KCNH7: variants seen among roughly 807,000 people sequenced by gnomAD.
The protein encoded by KCNH7 is potassium voltage-gated channel subfamily H member 7, also known as voltage-gated inwardly rectifying potassium channel KCNH7.
A neutral mutation model predicts 120.8 loss-of-function variants in KCNH7; 49 were observed. That is an observed-to-expected ratio of 0.41 (90% CI 0.32 to 0.51). The LOEUF (loss-of-function observed/expected upper bound fraction) is 0.51. Ranked by LOEUF, KCNH7 falls within the 20% of genes least tolerant of loss-of-function variation. The pLI, the probability that KCNH7 is intolerant of heterozygous loss-of-function variation, is 0.38. For missense variants in KCNH7, 1,097 were observed against 1,446.6 expected, an observed-to-expected ratio of 0.76 and a Z score of 3.92; for synonymous variants, 547 against 516.1, an observed-to-expected ratio of 1.06 and a Z score of -0.81.
intron 12 of KCNH7, among the ~76,000 whole-genome samples, chr2:162,392,246 G>A (rs1442884855): frequency 6.6e-6 from 1 of 151,736 alleles, no homozygotes; most frequent in African/African-American, 2.4e-5. Flanking sequence ...AGTAATTTTA[G>A]TGGATGAAAC....
chr2:162,520,000 C>A (rs963381280), intron 3 of KCNH7, among the ~76,000 whole-genome samples: 2 of 151,598 alleles, frequency 1.3e-5, no homozygotes, highest in Non-Finnish European at 3.0e-5. Context: ...GTCTTCACTC[C>A]AATGACTCCT....
At chr2:162,785,368 G>C (rs305664) in intron 2 of KCNH7, among the ~76,000 whole-genome samples, 147,774 of 152,314 alleles carry the variant, frequency 0.97, 71,846 homozygotes, top group Non-Finnish European at 1. Flanking sequence ...AAATATAACA[G>C]TTTAATAAAG....
At position 162,631,721 on chromosome 2, in the gene KCNH7, G is replaced by C. The variant is rs185039271; in HGVS notation, c.308-94641C>G. On this transcript the variant is annotated intron_variant, in intron 2 of 15. Transcript: ENST00000332142. ...GTAACTGTGAGAAACAACACCAGAT[G>C]ATAATGAATCACAGAAAGAAATTGA... is the stretch of plus-strand genomic sequence containing the variant. 3.1e-3 allele frequency among the ~76,000 whole-genome samples: 464 copies of C among 152,108 alleles called. 1 individual carries two copies. The highest frequency in any genetic ancestry group is 0.011 in the African/African-American group (442 of 41,520).
At chr2:162,756,041 T>A (rs16847236) in intron 2 of KCNH7, among the ~76,000 whole-genome samples, 1 of 152,176 alleles carries the variant, frequency 6.6e-6, no homozygotes, top group Admixed American at 6.5e-5. Flanking sequence ...AGGGTTCTAC[T>A]CTAATTATGT....
intron 6 of KCNH7, among the ~76,000 whole-genome samples, chr2:162,488,473 C>T (rs889256373): frequency 6.6e-6 from 1 of 152,114 alleles, no homozygotes; most frequent in Non-Finnish European, 1.5e-5. Context: ...ATCAATCAGG[C>T]CATCCAGAGG....
At chr2:162,491,652 G>T (rs974907930) in intron 6 of KCNH7, among the ~76,000 whole-genome samples, 1 of 152,184 alleles carries the variant, frequency 6.6e-6, no homozygotes, top group Admixed American at 6.5e-5. Flanking sequence ...GTGAAAAGTT[G>T]CATTGGCATT....
chr2:162,615,494 C>T (rs565235679), intron 2 of KCNH7, among the ~76,000 whole-genome samples: 2 of 152,248 alleles, frequency 1.3e-5, no homozygotes, highest in South Asian at 4.2e-4. Context: ...GTGGCTTGTG[C>T]ATTCTTTGTA....
At chr2:162,589,753 A>G (rs1389693858) in intron 2 of KCNH7, among the ~76,000 whole-genome samples, 2 of 152,268 alleles carry the variant, frequency 1.3e-5, no homozygotes, top group East Asian at 1.9e-4. Flanking sequence ...TGAATTTAAC[A>G]TAAGAAGACA....
intron 2 of KCNH7, among the ~76,000 whole-genome samples, chr2:162,824,791 A>T (rs964170404): frequency 6.6e-6 from 1 of 151,980 alleles, no homozygotes; most frequent in Admixed American, 6.6e-5. Flanking sequence ...TTGTTTATTT[A>T]TTATGACTTT....
chr2:162,818,719 T>G (rs1289467303), intron 2 of KCNH7, among the ~76,000 whole-genome samples: 2 of 152,210 alleles, frequency 1.3e-5, no homozygotes, highest in African/African-American at 4.8e-5. Flanking sequence ...CTCTTAGCCA[T>G]GTTTATGATT....
At chr2:162,546,403 T>C (rs1692478151) in intron 2 of KCNH7, among the ~76,000 whole-genome samples, 1 of 152,228 alleles carries the variant, frequency 6.6e-6, no homozygotes, top group African/African-American at 2.4e-5. Context: ...CAAATGTATT[T>C]ACAGCAGGCC....
intron 2 of KCNH7, among the ~76,000 whole-genome samples, chr2:162,707,793 T>C (rs1264724689): frequency 6.6e-6 from 1 of 152,090 alleles, no homozygotes; most frequent in African/African-American, 2.4e-5. Flanking sequence ...GTTTACCCCA[T>C]TTGATCAGTT....
chr2:162,702,468 A>T (rs1686545292), intron 2 of KCNH7, among the ~76,000 whole-genome samples: 1 of 152,160 alleles, frequency 6.6e-6, no homozygotes, highest in Non-Finnish European at 1.5e-5. Flanking sequence ...CAGTCAATGG[A>T]ATTACTGTGT....
Position 162,373,470 on chromosome 2 carries a change from T to G in KCNH7, c.3324A>C (p.Gln1108His). 6.6e-7 allele frequency: 1 copy of G among 1,520,408 alleles called. No homozygotes were observed. The highest frequency in any genetic ancestry group is 8.8e-7 in the Non-Finnish European group (1 of 1,130,920). 94.2% of individuals were successfully genotyped at this position (1,520,408 alleles called of 1,614,324 possible). A position where few individuals can be genotyped will look rare whatever the true frequency, so the allele number is the denominator to read the frequency against. The change falls in exon 15 of 16, where the codon CAA becomes CAC. Residue 1108 changes from glutamine to histidine, a missense_variant and splice_region_variant. Coordinates refer to ENST00000332142, the MANE Select transcript of KCNH7 (RefSeq NM_033272.4). Reference protein sequence around the residue: ...KTDRSFSPSSQCPEFLDLEKS... With the variant: ...KTDRSFSPSSHCPEFLDLEKS... The stretch of plus-strand genomic sequence containing the variant: ...TTGGTTGGATGGTATCCACACTTAC[T>G]TGTGAGGAAGGGCTGAAACTTCGGT...
chr2:162,688,010 C>A (rs1185139378), intron 2 of KCNH7, among the ~76,000 whole-genome samples: 1 of 151,846 alleles, frequency 6.6e-6, no homozygotes, highest in East Asian at 1.9e-4. Context: ...TATGTAGGAC[C>A]AATATTAAAG....
chr2:162,605,535 C>G (rs1441601219), intron 2 of KCNH7, among the ~76,000 whole-genome samples: 1 of 152,068 alleles, frequency 6.6e-6, no homozygotes, highest in East Asian at 1.9e-4. Context: ...AGAATCACAA[C>G]TAAAACTTTT....
At chr2:162,758,496 T>C (rs1433491245) in intron 2 of KCNH7, among the ~76,000 whole-genome samples, 1 of 152,090 alleles carries the variant, frequency 6.6e-6, no homozygotes, top group Non-Finnish European at 1.5e-5. Context: ...ATTGTTTATA[T>C]GTATATAAAT....
chr2:162,790,193 T>C (rs1683877334), intron 2 of KCNH7, among the ~76,000 whole-genome samples: 1 of 151,892 alleles, frequency 6.6e-6, no homozygotes, highest in South Asian at 2.1e-4. Flanking sequence ...TACAGGATAC[T>C]ATTTGTATAA....
At chr2:162,541,311 G>A (rs1322424402) in intron 2 of KCNH7, among the ~76,000 whole-genome samples, 1 of 152,082 alleles carries the variant, frequency 6.6e-6, no homozygotes, top group Non-Finnish European at 1.5e-5. Flanking sequence ...TATGTGACCT[G>A]AGTCTGGAGG....
Sources: allele counts gnomAD v4.1 joint callset (sites outside exome capture counted in the v4.1 genomes callset), GRCh38; gene constraint gnomAD v4.1.1; transcripts MANE v1.5; gene names NCBI Gene and HGNC (gene_info 2026-07-23, HGNC 2026-07-21).